GNAI3: variants seen among roughly 807,000 people sequenced by gnomAD.
GNAI3 encodes G protein subunit alpha i3.
Under a neutral mutation model 41.8 loss-of-function variants are expected in GNAI3, and 12 were observed. The ratio of observed to expected loss-of-function variants is 0.29; its 90% confidence interval spans 0.18 to 0.47. The LOEUF (loss-of-function observed/expected upper bound fraction) is 0.47. GNAI3 is among the 20% of genes least tolerant of loss of function. GNAI3 has a pLI of 1.00. For missense variants in GNAI3, 360 were observed against 429.6 expected (o/e 0.84, Z 1.43); for synonymous variants, 132 against 146.5 (o/e 0.90, Z 0.71).
intron 1 of GNAI3, among the ~76,000 whole-genome samples, chr1:109,565,376 AG>A (rs1262575156): frequency 1.3e-5 from 2 of 152,174 alleles, no homozygotes; most frequent in Non-Finnish European, 2.9e-5. Context: ...CAGGGGAGAT[AG>A]GACAAGGGTT....
chr1:109,583,747 A>ATT (rs35202006), intron 5 of GNAI3, among the ~76,000 whole-genome samples: 135 of 137,306 alleles, frequency 9.8e-4, no homozygotes, highest in East Asian at 1.7e-3. Flanking sequence ...CGCCCGGCTA[A>ATT]TTTTTTTTTT....
intron 1 of GNAI3, among the ~76,000 whole-genome samples, chr1:109,567,971 G>GT (rs35770839): frequency 0.027 from 3,741 of 139,494 alleles, 56 homozygotes; most frequent in Non-Finnish European, 0.037. Context: ...AGGGGATAGT[G>GT]TTTTTTTTTT....
intron 1 of GNAI3, among the ~76,000 whole-genome samples, chr1:109,562,364 G>A (rs1396764262): frequency 6.6e-6 from 1 of 152,138 alleles, no homozygotes; most frequent in East Asian, 1.9e-4. Context: ...AGGGACTTGA[G>A]CATTGGTGGA....
At chr1:109,574,058 C>T (rs764880543) in intron 3 of GNAI3, 21 bp downstream of exon 3, 2 of 1,583,982 alleles carry the variant, frequency 1.3e-6, no homozygotes, top group Non-Finnish European at 1.7e-6. Context: ...CTCATTTCCT[C>T]TTCACTTGCT....
rs138384957 is a variant in GNAI3 at position 109,597,836 on chromosome 1, G to A, written c.*5514G>A. ...CATGAATATTTATTTACACTTGGTAGAGAAAGCAAAGCTAGCTAGCTCTAA... is the reference window on the plus strand; with the variant it reads ...CATGAATATTTATTTACACTTGGTAAAGAAAGCAAAGCTAGCTAGCTCTAA... On this transcript the variant is annotated 3_prime_UTR_variant, in exon 9 of 9. Transcript: ENST00000369851. 2.2e-4 allele frequency: 34 copies of A among 152,310 alleles called. No individual in the cohort carries two copies. The highest frequency in any genetic ancestry group is 6.0e-4 in the African/African-American group (25 of 41,568). 9.4% of individuals were successfully genotyped at this position (152,310 alleles called of 1,614,324 possible).
intron 1 of GNAI3, among the ~76,000 whole-genome samples, chr1:109,558,525 C>T (rs1648217114): frequency 6.6e-6 from 1 of 152,052 alleles, no homozygotes; most frequent in Non-Finnish European, 1.5e-5. Flanking sequence ...TTAATGTAAC[C>T]TGAATTTAAT....
At chr1:109,587,800 G>T (rs1287182568) in intron 7 of GNAI3, among the ~76,000 whole-genome samples, 1 of 152,104 alleles carries the variant, frequency 6.6e-6, no homozygotes, top group Non-Finnish European at 1.5e-5. Flanking sequence ...AAATAATAAA[G>T]ATAGATAGTA....
In GNAI3 at chr1:109,599,034, G is replaced by A. The variant is rs557347533; in HGVS notation, c.*6712G>A. Reference sequence around the variant, plus strand: ...GTTTTGAATGCTGTTATGTCTCACCGTGGGGATGGGAAGGAATACTCTGTT... The same window carrying A: ...GTTTTGAATGCTGTTATGTCTCACCATGGGGATGGGAAGGAATACTCTGTT... On this transcript the variant is annotated 3_prime_UTR_variant, in exon 9 of 9. Transcript: ENST00000369851. 11 of 518,174 alleles carry A rather than the reference G, an allele frequency of 2.1e-5. No homozygotes were observed. The highest frequency in any genetic ancestry group is 1.2e-4 in the African/African-American group (6 of 51,790). The allele number at this position is 518,174 out of a possible 1,614,324, so 32.1% of individuals were successfully genotyped here. A position where few individuals can be genotyped will look rare whatever the true frequency, so the allele number is the denominator to read the frequency against.
At chr1:109,576,636 A>G (rs1171540756) in intron 3 of GNAI3, among the ~76,000 whole-genome samples, 1 of 152,010 alleles carries the variant, frequency 6.6e-6, no homozygotes, top group Non-Finnish European at 1.5e-5. Context: ...CTCCTGCCTC[A>G]GCCTCCCGAG....
chr1:109,550,977 C>T (rs1354283204), intron 1 of GNAI3, among the ~76,000 whole-genome samples: 1 of 152,150 alleles, frequency 6.6e-6, no homozygotes, highest in Admixed American at 6.6e-5. Context: ...AGACTTTCTT[C>T]CAAAATGCAG....
chr1:109,586,522 A>G (rs1649036257), intron 6 of GNAI3, among the ~76,000 whole-genome samples, 177 bp downstream of exon 6: 1 of 152,140 alleles, frequency 6.6e-6, no homozygotes, highest in South Asian at 2.1e-4. Flanking sequence ...GAGTATGTGG[A>G]AAGGATGTTA....
chr1:109,560,290 ATGT>A (rs1648275056), intron 1 of GNAI3, among the ~76,000 whole-genome samples: 2 of 152,198 alleles, frequency 1.3e-5, no homozygotes, highest in South Asian at 4.1e-4. Context: ...TTCTTGAATA[ATGT>A]TAGTATTTTA....
chr1:109,589,423 G>A (rs1649114421), intron 7 of GNAI3, among the ~76,000 whole-genome samples: 1 of 152,164 alleles, frequency 6.6e-6, no homozygotes, highest in Admixed American at 6.5e-5. Flanking sequence ...AATGGAAAGT[G>A]AAGAAAGAAG....
At chr1:109,555,702 C>A (rs1250783676) in intron 1 of GNAI3, among the ~76,000 whole-genome samples, 1 of 151,982 alleles carries the variant, frequency 6.6e-6, no homozygotes, top group Non-Finnish European at 1.5e-5. Flanking sequence ...TGCATTATTA[C>A]AAAAAAGTCT....
At chr1:109,578,268 C>CG (rs1648800310) in intron 3 of GNAI3, among the ~76,000 whole-genome samples, 1 of 151,856 alleles carries the variant, frequency 6.6e-6, no homozygotes, top group African/African-American at 2.4e-5. Context: ...GTCAGGTGTT[C>CG]GAGACCAGCC....
chr1:109,581,753 G>A (rs1292851150), intron 4 of GNAI3, among the ~76,000 whole-genome samples: 1 of 152,008 alleles, frequency 6.6e-6, no homozygotes, highest in Non-Finnish European at 1.5e-5. Flanking sequence ...GCTGGGCGTA[G>A]TGGCGGGCAC....
At chr1:109,572,949 G>C (rs530980943) in intron 1 of GNAI3, among the ~76,000 whole-genome samples, 29 of 152,168 alleles carry the variant, frequency 1.9e-4, no homozygotes, top group Non-Finnish European at 3.8e-4. Context: ...AGATAGACTG[G>C]TAGATGTCGT....
chr1:109,587,631 A>G (rs541120144), intron 7 of GNAI3, among the ~76,000 whole-genome samples: 1 of 152,332 alleles, frequency 6.6e-6, no homozygotes, highest in South Asian at 2.1e-4. Context: ...TTACAGTGGC[A>G]GGGAAGAAGT....
At chr1:109,569,145 A>G (rs973975252) in intron 1 of GNAI3, among the ~76,000 whole-genome samples, 3 of 152,172 alleles carry the variant, frequency 2.0e-5, no homozygotes, top group African/African-American at 7.2e-5. Context: ...CTACTTATAT[A>G]GGATATCCTT....
Sources: gnomAD v4.1 joint callset for allele counts (sites outside exome capture counted in the v4.1 genomes callset) on GRCh38, gnomAD v4.1.1 for gene constraint, MANE v1.5 for transcripts, NCBI Gene and HGNC (gene_info 2026-07-23, HGNC 2026-07-21) for gene names.